Variants in HEXD observed in about 807,000 individuals in gnomAD.
HEXD encodes the protein hexosaminidase D.
HEXD carries 47 observed loss-of-function variants against 54.2 expected under a neutral mutation model. That is an observed-to-expected ratio of 0.87 (90% CI 0.69 to 1.11). The LOEUF (loss-of-function observed/expected upper bound fraction) is 1.11, where lower values mean the gene tolerates loss of function less well. Ranked by LOEUF, HEXD falls within the 50% of genes least tolerant of loss-of-function variation. HEXD has a pLI of 0.00. For missense variants in HEXD, 576 were observed against 649.2 expected, an observed-to-expected ratio of 0.89 and a Z score of 1.23; for synonymous variants, 293 against 287.6, an observed-to-expected ratio of 1.02 and a Z score of -0.19.
At chr17:82,440,612 G>A (rs2053906565) in intron 9 of HEXD, 1 of 324,860 alleles carries the variant, frequency 3.1e-6, no homozygotes, top group Non-Finnish European at 5.8e-6. Context: ...CAGGCCTCAT[G>A]GGTTTGTTTC....
In HEXD at chr17:82,437,234, GTGCCACGGGGCC is replaced by G. The variant is rs2143590996; in HGVS notation, c.771_782del (p.Ala258_Pro261del). 3 of 1,610,782 alleles carry G rather than the reference GTGCCACGGGGCC, an allele frequency of 1.9e-6. No individual in the cohort carries two copies. Among genetic ancestry groups the G allele is most frequent in the South Asian group, 1.1e-5 (1 of 90,882 alleles). ...CTGTGGGCAGCCAGTGCCTTCAAGG[GTGCCACGGGGCC>G]CAGCCAGGCCGTGCCCCCTGTTGAG... On this transcript the variant is annotated inframe_deletion, in exon 8 of 13. Coordinates refer to ENST00000327949, the MANE Select transcript of HEXD (RefSeq NM_001330542.2).
At position 82,427,503 on chromosome 17, in the gene HEXD, G is replaced by T. The variant is rs2143459896; in HGVS notation, c.195-1055G>T. Among the ~76,000 whole-genome samples, 3 of 152,242 alleles carry T rather than the reference G, an allele frequency of 2.0e-5. 1 individual carries two copies. ...CAGAAGTGATGAACGGTGAGCCAGGGTGTTGGCCTGCAATGAGATAATCAG... is the reference window on the plus strand; with the variant it reads ...CAGAAGTGATGAACGGTGAGCCAGGTTGTTGGCCTGCAATGAGATAATCAG... On this transcript the variant is annotated intron_variant, in intron 3 of 12. Coordinates refer to ENST00000327949, the MANE Select transcript of HEXD (RefSeq NM_001330542.2).
intron 7 of HEXD, 92 bp downstream of exon 7, chr17:82,436,830 G>A: frequency 1.7e-6 from 2 of 1,203,178 alleles, no homozygotes; most frequent in South Asian, 1.4e-5. Context: ...GAACTGCCCA[G>A]CCTGGAGCCT....
chr17:82,420,550 G>A (rs746752387), intron 2 of HEXD: 1 of 152,384 alleles, frequency 6.6e-6, no homozygotes, highest in East Asian at 1.9e-4. Context: ...ATAAATTTCT[G>A]TTGTGTCAAG....
intron 8 of HEXD, among the ~76,000 whole-genome samples, chr17:82,438,428 C>T (rs2053835881): frequency 6.6e-6 from 1 of 152,192 alleles, no homozygotes; most frequent in Non-Finnish European, 1.5e-5. Context: ...TGTAAAAATC[C>T]TGTGACTGTG....
Position 82,419,874 on chromosome 17 carries a change from C to T in HEXD, c.75C>T (p.Tyr25=). ...DLKGAPPKVS[Y]LSEIFPLFRA... is the part of the protein sequence containing the mutation. ...AAGGAGCTCCACCAAAGGTCTCGTA[C>T]CTCTCAGAGGTAAGGACTCCCTTTT... The change falls in exon 2 of 13, where the codon TAC becomes TAT. Residue 25 remains tyrosine, a synonymous_variant. Transcript: ENST00000327949. The T allele has an allele frequency of 6.2e-7, 1 of 1,605,372 alleles. No individual in the cohort carries two copies. Among genetic ancestry groups the T allele is most frequent in the South Asian group, 1.1e-5 (1 of 90,886 alleles).
rs535113231 is a variant in HEXD, at chr17:82,439,774, G to C, written c.982+61G>C. The C allele has an allele frequency of 1.7e-4, 267 of 1,597,880 alleles. 2 individuals are homozygous for C. In the South Asian group the frequency reaches 2.8e-3, roughly 17 times the overall value. On this transcript the variant is annotated intron_variant, in intron 9 of 12. Transcript: ENST00000327949. ...CCCTCCCCGAAAGACCCGGAGGGCA[G>C]GAGGCCAAGCACCCAGTGCTCCAAC...
At chr17:82,432,934 C>A (rs1365172676) in intron 4 of HEXD, among the ~76,000 whole-genome samples, 3 of 145,916 alleles carry the variant, frequency 2.1e-5, no homozygotes, top group Non-Finnish European at 4.5e-5. Context: ...GGCGTGGTGG[C>A]GGGCGCCTGT....
intron 9 of HEXD, 152 bp downstream of exon 9, chr17:82,439,865 C>T: frequency 6.5e-7 from 1 of 1,540,396 alleles, no homozygotes; most frequent in Non-Finnish European, 8.7e-7. Flanking sequence ...CTCAGCCACC[C>T]ACCTGCCCTG....
intron 4 of HEXD, among the ~76,000 whole-genome samples, chr17:82,429,278 C>A (rs1445042387): frequency 2.6e-5 from 4 of 151,856 alleles, no homozygotes; most frequent in African/African-American, 9.7e-5. Context: ...TATATATACA[C>A]ATATTCTTTT....
chr17:82,430,075 C>A (rs2053534396), intron 4 of HEXD, among the ~76,000 whole-genome samples: 1 of 152,184 alleles, frequency 6.6e-6, no homozygotes, highest in African/African-American at 2.4e-5. Flanking sequence ...CTCTGTCATG[C>A]AGGCACCACC....
At position 82,433,958 on chromosome 17, in the gene HEXD, T is replaced by G. The variant is rs1018369363; in HGVS notation, c.447+136T>G. ...CCCTCAGGGCACCCCATCCAACATC[T>G]TCTCCGAGTGGATGGGCGGCCTGGC... On this transcript the variant is annotated intron_variant, in intron 5 of 12. Transcript: ENST00000327949. 3 of 795,188 alleles carry G rather than the reference T, an allele frequency of 3.8e-6. No homozygotes were observed. The African/African-American group carries it at 5.6e-5, about 15-fold the overall frequency. 49.3% of individuals were successfully genotyped at this position (795,188 alleles called of 1,614,324 possible). A position where few individuals can be genotyped will look rare whatever the true frequency, so the allele number is the denominator to read the frequency against.
At chr17:82,440,154 A>G in intron 9 of HEXD, 1 of 1,291,948 alleles carries the variant, frequency 7.7e-7, no homozygotes, top group Non-Finnish European at 1.0e-6. Flanking sequence ...GGGCAGGGGC[A>G]GGCACCGGGG....
chr17:82,436,926 C>T, intron 7 of HEXD, 188 bp downstream of exon 7: 1 of 627,390 alleles, frequency 1.6e-6, no homozygotes, highest in Non-Finnish European at 2.8e-6. Flanking sequence ...GCCTCACCTC[C>T]CTCCCTGTTC....
In HEXD at chr17:82,428,722, A is replaced by G. The variant is rs1379723333; in HGVS notation, c.282+77A>G. 3.2e-6 allele frequency: 4 copies of G among 1,268,606 alleles called. No homozygotes were observed. In the African/African-American group the frequency reaches 5.9e-5, roughly 19 times the overall value. 78.6% of individuals were successfully genotyped at this position (1,268,606 alleles called of 1,614,324 possible). ...TGCAGGCTGGGCCAGGCTTGTGCCC[A>G]GGGGTGGGTGCAGCGGGCCCATGGT... On this transcript the variant is annotated intron_variant, in intron 4 of 12. Coordinates refer to ENST00000327949, the MANE Select transcript of HEXD (RefSeq NM_001330542.2).
chr17:82,430,616 T>C (rs907520094), intron 4 of HEXD, among the ~76,000 whole-genome samples: 1 of 152,170 alleles, frequency 6.6e-6, no homozygotes, highest in Non-Finnish European at 1.5e-5. Flanking sequence ...CTCAAACTCC[T>C]GGCCTCAGGC....
chr17:82,425,153 A>AGGAGGCTG, intron 3 of HEXD, among the ~76,000 whole-genome samples: 1 of 146,452 alleles, frequency 6.8e-6, no homozygotes, highest in East Asian at 2.1e-4. Context: ...AGGCTGGAGG[A>AGGAGGCTG]GGCTAGAGAA....
chr17:82,442,293 G>C lies in HEXD; in HGVS notation c.1370G>C (p.Arg457Pro). The change falls in exon 13 of 13, where the codon CGG (arginine) becomes CCG (proline). Residue 457 changes from arginine to proline, a missense_variant. Physicochemically the swap from Arg to Pro is moderately radical, Grantham distance 103 (BLOSUM62 -2). Transcript: ENST00000327949. This position sits in a 1 kb window ranked among gnomAD's most constrained non-coding sequence, Gnocchi z 6.8. ...GAAAACGTGCACCCCAGCCTGCAGC[G>C]GCTGCAAGCTCTGCTGCAGGACCTC... The part of the protein sequence containing the change: ...LEENVHPSLQ[R>P]LQALLQDLSE... The C allele has an allele frequency of 6.2e-7, 1 of 1,608,626 alleles. No homozygotes were observed. The highest frequency in any genetic ancestry group is 8.5e-7 in the Non-Finnish European group (1 of 1,179,930).
intron 4 of HEXD, among the ~76,000 whole-genome samples, chr17:82,432,397 T>C (rs1162493154): frequency 6.6e-6 from 1 of 152,070 alleles, no homozygotes; most frequent in African/African-American, 2.4e-5. Flanking sequence ...CTGCTTCTAC[T>C]GACAGCGCCC....
Sources: allele counts gnomAD v4.1 joint callset (sites outside exome capture counted in the v4.1 genomes callset), GRCh38; gene constraint gnomAD v4.1.1; non-coding constraint Gnocchi (gnomAD v3.1); transcripts MANE v1.5; gene names NCBI Gene and HGNC (gene_info 2026-07-23, HGNC 2026-07-21).